Variants in PRKN observed in about 807,000 individuals in gnomAD.
The protein encoded by PRKN is E3 ubiquitin-protein ligase parkin.
PRKN carries 56 observed loss-of-function variants against 59.5 expected under a neutral mutation model. The observed-to-expected ratio is 0.94, with a 90% CI of 0.76 to 1.18. The LOEUF (loss-of-function observed/expected upper bound fraction) is 1.18, where lower values mean the gene tolerates loss of function less well. Ranked by LOEUF, PRKN falls within the 50% of genes most tolerant of loss-of-function variation. The pLI is 0.00. For missense variants in PRKN, 657 were observed against 596.4 expected (o/e 1.10, Z -1.06); for synonymous variants, 250 against 222.1 (o/e 1.13, Z -1.12).
At chr6:162,386,923 G>A (rs1429944225) in intron 2 of PRKN, among the ~76,000 whole-genome samples, 1 of 152,070 alleles carries the variant, frequency 6.6e-6, no homozygotes, top group African/African-American at 2.4e-5. Context: ...AGGTAACATT[G>A]CATTCAATTA....
chr6:161,697,588 A>G (rs964386612), intron 7 of PRKN, among the ~76,000 whole-genome samples: 3 of 152,194 alleles, frequency 2.0e-5, no homozygotes, highest in African/African-American at 4.8e-5. Flanking sequence ...AACTGATAGT[A>G]TGTAAAACAG....
At chr6:162,329,930 G>T (rs1200931825) in intron 2 of PRKN, among the ~76,000 whole-genome samples, 1 of 152,082 alleles carries the variant, frequency 6.6e-6, no homozygotes, top group Non-Finnish European at 1.5e-5. Flanking sequence ...ATCAGAAACG[G>T]TATCCAATCT....
rs545632310 is a variant in PRKN, at chr6:162,633,306, G to C, written c.7+94356C>G. 2.7e-3 allele frequency among the ~76,000 whole-genome samples: 416 copies of C among 151,792 alleles called. 2 individuals are homozygous for C. The highest frequency in any genetic ancestry group is 4.5e-3 in the Non-Finnish European group (309 of 67,914). ...AAAAATTAGCCAGGCATGGTGGTAG[G>C]TGCCTGTAAGCCCAGTTATTTGGGA... On this transcript the variant is annotated intron_variant, in intron 1 of 11. Transcript: ENST00000366898.
chr6:161,674,597 T>G (rs1426749410), intron 7 of PRKN, among the ~76,000 whole-genome samples: 2 of 152,172 alleles, frequency 1.3e-5, no homozygotes, highest in Admixed American at 6.5e-5. Flanking sequence ...TACACGTGCT[T>G]GTTTGTTTCA....
Position 161,676,603 on chromosome 6 carries a change from G to C in PRKN, c.872-107187C>G, listed in dbSNP as rs577134717. 8.5e-5 allele frequency among the ~76,000 whole-genome samples: 13 copies of C among 152,292 alleles called. No homozygotes were observed. In the East Asian group the frequency reaches 2.5e-3, roughly 29 times the overall value. On this transcript the variant is annotated intron_variant, in intron 7 of 11. Coordinates refer to ENST00000366898, the MANE Select transcript of PRKN (RefSeq NM_004562.3). ...CTGTCTAGGGCTCCTTTTGTGCTGC[G>C]ACAGCGTGGTTGAGTAGCTGGGACA...
chr6:161,778,746 C>T (rs759830152), intron 7 of PRKN, among the ~76,000 whole-genome samples: 217 of 152,094 alleles, frequency 1.4e-3, no homozygotes, highest in Non-Finnish European at 2.5e-3. Flanking sequence ...CAGGAGTGCA[C>T]GATCAGCAAC....
intron 7 of PRKN, among the ~76,000 whole-genome samples, chr6:161,606,956 G>A (rs182285863): frequency 2.6e-5 from 4 of 152,250 alleles, no homozygotes; most frequent in East Asian, 1.9e-4. Context: ...GGCACAGCAT[G>A]GGGGGGAGAT....
intron 7 of PRKN, among the ~76,000 whole-genome samples, chr6:161,632,953 T>C (rs1218936193): frequency 6.6e-6 from 1 of 152,144 alleles, no homozygotes; most frequent in African/African-American, 2.4e-5. Context: ...CAAGATGAGA[T>C]TTGGGTGGGG....
intron 6 of PRKN, among the ~76,000 whole-genome samples, chr6:161,941,913 T>C (rs878966718): frequency 2.0e-5 from 3 of 152,122 alleles, no homozygotes; most frequent in Admixed American, 1.3e-4. Context: ...TAGGGTAAAA[T>C]AGAAATACGT....
intron 5 of PRKN, among the ~76,000 whole-genome samples, chr6:162,032,478 G>C (rs2128279507): frequency 6.6e-6 from 1 of 152,160 alleles, no homozygotes; most frequent in African/African-American, 2.4e-5. Flanking sequence ...CAAAGTGGGG[G>C]CCACTTTGCA....
At chr6:161,718,569 TG>T (rs1787085920) in intron 7 of PRKN, among the ~76,000 whole-genome samples, 1 of 143,730 alleles carries the variant, frequency 7.0e-6, no homozygotes, top group Non-Finnish European at 1.5e-5. Flanking sequence ...GGCAAAGGTG[TG>T]GCCTTCTCAG....
chr6:162,522,924 T>C (rs1676861478), intron 1 of PRKN, among the ~76,000 whole-genome samples: 2 of 152,222 alleles, frequency 1.3e-5, no homozygotes, highest in Non-Finnish European at 2.9e-5. Context: ...ACCCTGACCA[T>C]TCCAGCAAAT....
At chr6:161,631,965 T>C (rs1783331465) in intron 7 of PRKN, among the ~76,000 whole-genome samples, 1 of 152,242 alleles carries the variant, frequency 6.6e-6, no homozygotes, top group Non-Finnish European at 1.5e-5. Context: ...TGTAAGTCGT[T>C]AACTATTTCT....
intron 1 of PRKN, among the ~76,000 whole-genome samples, chr6:162,605,842 A>G (rs1290919636): frequency 6.6e-6 from 1 of 152,172 alleles, no homozygotes; most frequent in Non-Finnish European, 1.5e-5. Context: ...CAGAAATAAA[A>G]GTAGACAAAA....
At chr6:162,564,221 T>A (rs1488743160) in intron 1 of PRKN, among the ~76,000 whole-genome samples, 1 of 151,968 alleles carries the variant, frequency 6.6e-6, no homozygotes, top group Non-Finnish European at 1.5e-5. Flanking sequence ...GGTGGGTGCC[T>A]GTAATCCCAG....
chr6:161,977,761 A>G (rs1283294156), intron 5 of PRKN, among the ~76,000 whole-genome samples: 1 of 150,546 alleles, frequency 6.6e-6, no homozygotes, highest in Non-Finnish European at 1.5e-5. Context: ...GTTAGCCAGG[A>G]TGGTCTCAAT....
intron 1 of PRKN, among the ~76,000 whole-genome samples, chr6:162,530,695 T>C (rs1403044871): frequency 1.3e-5 from 2 of 152,144 alleles, no homozygotes; most frequent in East Asian, 3.9e-4. Context: ...TAGCAGCATG[T>C]TTAATGGAAT....
At chr6:161,848,131 T>C (rs572244911) in intron 6 of PRKN, among the ~76,000 whole-genome samples, 1 of 152,344 alleles carries the variant, frequency 6.6e-6, no homozygotes, top group African/African-American at 2.4e-5. Context: ...GACTATTCAT[T>C]AGCATTTGTG....
At chr6:162,637,020 G>C (rs1264000038) in intron 1 of PRKN, among the ~76,000 whole-genome samples, 1 of 152,126 alleles carries the variant, frequency 6.6e-6, no homozygotes, top group East Asian at 1.9e-4. Flanking sequence ...ACTTTGGGAG[G>C]CTGAGGCGGG....
Sources: allele counts gnomAD v4.1 joint callset (sites outside exome capture counted in the v4.1 genomes callset), GRCh38; gene constraint gnomAD v4.1.1; transcripts MANE v1.5; gene names NCBI Gene and HGNC (gene_info 2026-07-23, HGNC 2026-07-21).